The following CRPPA variants were observed in gnomAD, a reference collection of about 807,000 sequenced individuals.
CRPPA encodes D-ribitol-5-phosphate cytidylyltransferase.
In CRPPA, 43 loss-of-function variants were observed where a neutral mutation model predicts 52.0. That is an observed-to-expected ratio of 0.83 (90% CI 0.65 to 1.07). The LOEUF (loss-of-function observed/expected upper bound fraction) is 1.07. CRPPA is among the 50% of genes least tolerant of loss of function. CRPPA has a pLI of 0.00. For synonymous variants in CRPPA, 250 were observed against 203.5 expected (o/e 1.23, Z -1.94); for missense variants, 629 against 551.7 (o/e 1.14, Z -1.40).
At chr7:16,151,005 G>A (rs1260994928) in intron 9 of CRPPA, among the ~76,000 whole-genome samples, 1 of 152,174 alleles carries the variant, frequency 6.6e-6, no homozygotes, top group African/African-American at 2.4e-5. Context: ...TGAAGATTAA[G>A]TTCCCAACAT....
chr7:16,409,880 G>A (rs936183792), intron 1 of CRPPA, among the ~76,000 whole-genome samples: 2 of 152,094 alleles, frequency 1.3e-5, no homozygotes, highest in Non-Finnish European at 2.9e-5. Context: ...TAGAGACAAT[G>A]TCTGTTTTGT....
At chr7:16,188,627 C>T (rs75630930) in intron 9 of CRPPA, among the ~76,000 whole-genome samples, 4,281 of 152,216 alleles carry the variant, frequency 0.028, 197 homozygotes, top group African/African-American at 0.098. Flanking sequence ...AATTCCCCAA[C>T]ATGTCCACTG....
intron 9 of CRPPA, among the ~76,000 whole-genome samples, chr7:16,185,793 T>C (rs1004978480): frequency 9.2e-5 from 14 of 152,260 alleles, no homozygotes; most frequent in African/African-American, 3.4e-4. Context: ...GAGGCACTGA[T>C]TGGAAAAGTG....
At chr7:16,242,189 C>T (rs890422720) in intron 8 of CRPPA, among the ~76,000 whole-genome samples, 2 of 151,808 alleles carry the variant, frequency 1.3e-5, no homozygotes, top group African/African-American at 4.8e-5. Context: ...CTCCTGACCT[C>T]GTGATCTGCC....
At chr7:16,268,446 T>C (rs56253565) in intron 6 of CRPPA, among the ~76,000 whole-genome samples, 1,872 of 152,228 alleles carry the variant, frequency 0.012, 40 homozygotes, top group African/African-American at 0.043. Flanking sequence ...AAGCAAACTA[T>C]TTTTCATTAA....
chr7:16,161,380 G>A (rs1783301159), intron 9 of CRPPA, among the ~76,000 whole-genome samples: 1 of 152,154 alleles, frequency 6.6e-6, no homozygotes, highest in Non-Finnish European at 1.5e-5. Flanking sequence ...TTTATTGAGT[G>A]TTTCTAGCAT....
intron 2 of CRPPA, among the ~76,000 whole-genome samples, chr7:16,388,997 A>G (rs1008857229): frequency 6.6e-6 from 1 of 152,332 alleles, no homozygotes; most frequent in Admixed American, 6.5e-5. Context: ...TACAAACTAT[A>G]TTCCAGCAAA....
chr7:16,324,723 T>A (rs1339831027), intron 3 of CRPPA, among the ~76,000 whole-genome samples: 1 of 152,256 alleles, frequency 6.6e-6, no homozygotes, highest in Non-Finnish European at 1.5e-5. Flanking sequence ...AACACAACTA[T>A]AAAAGGCACT....
intron 6 of CRPPA, among the ~76,000 whole-genome samples, chr7:16,271,788 G>C (rs964967462): frequency 1.3e-5 from 2 of 152,034 alleles, no homozygotes; most frequent in African/African-American, 4.8e-5. Flanking sequence ...ATCACAATTT[G>C]ACATTTTAAT....
intron 2 of CRPPA, among the ~76,000 whole-genome samples, chr7:16,377,092 C>A (rs1028385476): frequency 1.3e-5 from 2 of 152,156 alleles, no homozygotes; most frequent in African/African-American, 4.8e-5. Flanking sequence ...AAACAAATGT[C>A]TTCTTGATGA....
At chr7:16,286,087 TAAAA>T (rs1206296972) in intron 5 of CRPPA, among the ~76,000 whole-genome samples, 3 of 15,502 alleles carry the variant, frequency 1.9e-4, no homozygotes, top group Non-Finnish European at 3.3e-4. Flanking sequence ...ATATAATATT[TAAAA>T]AAAAAAATAT....
At chr7:16,111,382 A>G (rs938476053) in intron 9 of CRPPA, among the ~76,000 whole-genome samples, 1 of 152,168 alleles carries the variant, frequency 6.6e-6, no homozygotes, top group African/African-American at 2.4e-5. Context: ...AAAATCTAAA[A>G]CTAGAAATAC....
rs181665468 is a variant in CRPPA at position 16,404,538 on chromosome 7, C to T, written c.534+1523G>A. On this transcript the variant is annotated intron_variant, in intron 2 of 9. Transcript: ENST00000407010. ...TCTCAGAAATACTTTCTGCTTATTA[C>T]TCAACAACAACAAAAAAAATTGCAA... Among the ~76,000 whole-genome samples the T allele has an allele frequency of 1.5e-3, 222 of 151,442 alleles. 1 individual carries two copies. The Middle Eastern group carries it at 0.024, about 16-fold the overall frequency.
intron 9 of CRPPA, among the ~76,000 whole-genome samples, chr7:16,187,126 C>T (rs1781521231): frequency 6.6e-6 from 1 of 152,070 alleles, no homozygotes. Flanking sequence ...CAATATTATT[C>T]ACTAAAAACT....
chr7:16,333,665 C>T (rs1280372570), intron 3 of CRPPA, among the ~76,000 whole-genome samples: 1 of 152,030 alleles, frequency 6.6e-6, no homozygotes, highest in African/African-American at 2.4e-5. Flanking sequence ...TAGAAGAAAT[C>T]AATAAAATTA....
intron 9 of CRPPA, among the ~76,000 whole-genome samples, chr7:16,119,909 A>G (rs1366694300): frequency 6.6e-6 from 1 of 152,220 alleles, no homozygotes; most frequent in African/African-American, 2.4e-5. Context: ...TTTGCAAATA[A>G]AAGGTGTTTA....
At chr7:16,214,081 A>G (rs1782233854) in intron 9 of CRPPA, among the ~76,000 whole-genome samples, 1 of 152,210 alleles carries the variant, frequency 6.6e-6, no homozygotes, top group African/African-American at 2.4e-5. Flanking sequence ...TAAGCTATCT[A>G]CAAAGAGGTT....
Position 16,193,927 on chromosome 7 carries a change from C to G in CRPPA, c.1251+22139G>C, listed in dbSNP as rs1461891806. Among the ~76,000 whole-genome samples, 8 of 152,072 alleles carry G rather than the reference C, an allele frequency of 5.3e-5. 1 individual carries two copies. The highest frequency in any genetic ancestry group is 5.2e-4 in the Admixed American group (8 of 15,260). The stretch of plus-strand genomic sequence containing the variant: ...AGGACTTTCCAGACCATTTCATCAG[C>G]AACCTTCTTCAACCAAATAGCTGTG... On this transcript the variant is annotated intron_variant, in intron 9 of 9. Coordinates refer to ENST00000407010, the MANE Select transcript of CRPPA (RefSeq NM_001101426.4).
At chr7:16,402,365 CA>C (rs1401441274) in intron 2 of CRPPA, among the ~76,000 whole-genome samples, 1 of 152,094 alleles carries the variant, frequency 6.6e-6, no homozygotes, top group Non-Finnish European at 1.5e-5. Context: ...GCAGAAGGAA[CA>C]AAAATCCTTG....
Sources: allele counts gnomAD v4.1 joint callset (sites outside exome capture counted in the v4.1 genomes callset), GRCh38; gene constraint gnomAD v4.1.1; transcripts MANE v1.5; gene names NCBI Gene and HGNC (gene_info 2026-07-23, HGNC 2026-07-21).